TNR: variants seen among roughly 807,000 people sequenced by gnomAD.
TNR encodes tenascin R.
Under a neutral mutation model 150.4 loss-of-function variants are expected in TNR, and 45 were observed. The ratio of observed to expected loss-of-function variants is 0.30; its 90% CI spans 0.24 to 0.38. The LOEUF (loss-of-function observed/expected upper bound fraction) is 0.38. Ranked by LOEUF, TNR falls within the 10% of genes least tolerant of loss-of-function variation. The pLI is 1.00. For synonymous variants in TNR, 687 were observed against 678.4 expected (o/e 1.01, Z -0.20); for missense variants, 1,544 against 1,759.1 (o/e 0.88, Z 2.19).
At chr1:175,582,303 A>G (rs571900177) in intron 1 of TNR, among the ~76,000 whole-genome samples, 1 of 152,346 alleles carries the variant, frequency 6.6e-6, no homozygotes, top group South Asian at 2.1e-4. Flanking sequence ...GCTAGGACTC[A>G]CTGTAGTTAT....
chr1:175,596,205 T>C lies in TNR; in HGVS notation c.-164-67836A>G, dbSNP rs114759777. On this transcript the variant is annotated intron_variant, in intron 1 of 22. Coordinates refer to ENST00000367674, the MANE Select transcript of TNR (RefSeq NM_003285.3). ...AATAACATTTCACATTGGGAGATGA[T>C]ATATAGAATTATTGATTTTTGACTT... is the stretch of plus-strand genomic sequence containing the variant. Among the ~76,000 whole-genome samples, 879 of 152,288 alleles carry C rather than the reference T, an allele frequency of 5.8e-3. 9 individuals are homozygous for C. The highest frequency in any genetic ancestry group is 0.018 in the African/African-American group (733 of 41,562).
chr1:175,489,194 C>T (rs2102137034), intron 2 of TNR, among the ~76,000 whole-genome samples: 1 of 152,292 alleles, frequency 6.6e-6, no homozygotes, highest in East Asian at 1.9e-4. Flanking sequence ...TCACCCGGGG[C>T]CCAGCCAGGA....
rs776261738 is a variant in TNR, at chr1:175,396,536, G to C, written c.1240+8C>G. 1 of 1,611,798 alleles carries C rather than the reference G, an allele frequency of 6.2e-7. No individual in the cohort carries two copies. Among genetic ancestry groups the C allele is most frequent in the Non-Finnish European group, 8.5e-7 (1 of 1,178,120 alleles). ...AAAAATGAAGCAGGACGGGGAAATGGTACGTACGGGTGGCCACCTTGGCAG... is the reference window on the plus strand; with the variant it reads ...AAAAATGAAGCAGGACGGGGAAATGCTACGTACGGGTGGCCACCTTGGCAG... On this transcript the variant is annotated splice_region_variant and intron_variant, in intron 5 of 22. Coordinates refer to ENST00000367674, the MANE Select transcript of TNR (RefSeq NM_003285.3).
chr1:175,627,471 T>C (rs1664188924), intron 1 of TNR, among the ~76,000 whole-genome samples: 1 of 152,206 alleles, frequency 6.6e-6, no homozygotes, highest in East Asian at 1.9e-4. Flanking sequence ...GTTACTAGCT[T>C]CAGAAAGACG....
At chr1:175,690,674 T>A (rs1277281069) in intron 1 of TNR, among the ~76,000 whole-genome samples, 1 of 152,172 alleles carries the variant, frequency 6.6e-6, no homozygotes, top group Non-Finnish European at 1.5e-5. Context: ...TGGGTTTAAG[T>A]TTGATTGTGA....
At position 175,359,747 on chromosome 1, in the gene TNR, T is replaced by C. The variant is rs1651506161; in HGVS notation, c.2855-16A>G. 5 of 1,598,030 alleles carry C rather than the reference T, an allele frequency of 3.1e-6. No homozygotes were observed. Among genetic ancestry groups the C allele is most frequent in the Non-Finnish European group, 4.3e-6 (5 of 1,172,268 alleles). On this transcript the variant is annotated splice_polypyrimidine_tract_variant and intron_variant, in intron 14 of 22. Transcript: ENST00000367674. ...TTGTCCATGGCTGAAACAGAATAGA[T>C]TATCAGTTACAGATAAGAGGAGCTG...
chr1:175,700,247 C>A (rs999968707), intron 1 of TNR, among the ~76,000 whole-genome samples: 10 of 151,848 alleles, frequency 6.6e-5, no homozygotes, highest in Non-Finnish European at 2.9e-5. Flanking sequence ...CCTGACACAT[C>A]CAGTCATGGC....
chr1:175,443,424 T>C (rs1655883425), intron 2 of TNR, among the ~76,000 whole-genome samples: 1 of 152,140 alleles, frequency 6.6e-6, no homozygotes, highest in African/African-American at 2.4e-5. Context: ...GATACTTAGG[T>C]TATACCCCAG....
At chr1:175,359,475 T>G in intron 15 of TNR, 137 bp downstream of exon 15, 1 of 1,371,470 alleles carries the variant, frequency 7.3e-7, no homozygotes, top group Non-Finnish European at 1.0e-6. Flanking sequence ...GAGGGCTTCA[T>G]AGTATACCTG....
chr1:175,577,258 C>A (rs889805936), intron 1 of TNR, among the ~76,000 whole-genome samples: 1 of 152,090 alleles, frequency 6.6e-6, no homozygotes, highest in African/African-American at 2.4e-5. Context: ...CAATAACTTC[C>A]CCCACAGTTT....
chr1:175,427,698 CTT>C (rs1571424851), intron 2 of TNR, among the ~76,000 whole-genome samples: 1 of 132,350 alleles, frequency 7.6e-6, no homozygotes, highest in East Asian at 2.1e-4. Context: ...TCCTTCCTTC[CTT>C]CCTTCCCTTC....
chr1:175,350,108 T>C (rs572240829), intron 18 of TNR, among the ~76,000 whole-genome samples: 2 of 152,334 alleles, frequency 1.3e-5, no homozygotes, highest in South Asian at 4.1e-4. Flanking sequence ...TTGCCAATCT[T>C]CATTAATTTT....
At chr1:175,566,829 C>G (rs1187420857) in intron 1 of TNR, among the ~76,000 whole-genome samples, 2 of 152,126 alleles carry the variant, frequency 1.3e-5, no homozygotes, top group Non-Finnish European at 2.9e-5. Context: ...GTTTTTTTGT[C>G]CACAAGGAGA....
rs1346589511 is a variant in TNR at position 175,656,299 on chromosome 1, G to A, written c.-165+86927C>T. 1.7e-4 allele frequency among the ~76,000 whole-genome samples: 26 copies of A among 152,092 alleles called. 1 individual carries two copies. Among genetic ancestry groups the A allele is most frequent in the Admixed American group, 1.6e-3 (25 of 15,272 alleles). The stretch of plus-strand genomic sequence containing the variant: ...GTTACACAAACCAGCAATGACCTCG[G>A]CTACGTGGTGGGTCACGCAGGAGAA... On this transcript the variant is annotated intron_variant, in intron 1 of 22. Coordinates refer to ENST00000367674, the MANE Select transcript of TNR (RefSeq NM_003285.3).
intron 2 of TNR, among the ~76,000 whole-genome samples, chr1:175,449,152 G>A (rs1656195233): frequency 1.3e-5 from 2 of 152,234 alleles, no homozygotes; most frequent in South Asian, 4.1e-4. Flanking sequence ...GGAGCACTGT[G>A]TGGGAATTGC....
chr1:175,727,426 G>A (rs1309477465), intron 1 of TNR, among the ~76,000 whole-genome samples: 2 of 152,172 alleles, frequency 1.3e-5, no homozygotes, highest in African/African-American at 4.8e-5. Context: ...AGTGAGGATG[G>A]AAGCCTGCTT....
At chr1:175,354,580 G>A in intron 17 of TNR, 57 bp from the exon 18 acceptor site, 2 of 1,610,310 alleles carry the variant, frequency 1.2e-6, no homozygotes, top group East Asian at 2.2e-5. Context: ...TGCAATTTGG[G>A]AAAGTAGGGA....
chr1:175,636,259 G>A (rs952187992), intron 1 of TNR, among the ~76,000 whole-genome samples: 1 of 152,162 alleles, frequency 6.6e-6, no homozygotes, highest in African/African-American at 2.4e-5. Context: ...TGATAGTGGT[G>A]ATAATAAAAA....
intron 1 of TNR, among the ~76,000 whole-genome samples, chr1:175,718,086 G>A (rs1052869257): frequency 6.6e-6 from 1 of 152,174 alleles, no homozygotes; most frequent in Non-Finnish European, 1.5e-5. Flanking sequence ...CGCAGCCATC[G>A]AATGAGTTAA....
Sources: gnomAD v4.1 joint callset for allele counts (sites outside exome capture counted in the v4.1 genomes callset) on GRCh38, gnomAD v4.1.1 for gene constraint, MANE v1.5 for transcripts, NCBI Gene and HGNC (gene_info 2026-07-23, HGNC 2026-07-21) for gene names.